The following SMAD3 variants were observed in gnomAD, a reference collection of about 807,000 sequenced individuals.
The protein encoded by SMAD3 is MAD homolog 3.
Under a neutral mutation model 51.8 loss-of-function variants are expected in SMAD3, and 12 were observed. The ratio of observed to expected loss-of-function variants is 0.23; its 90% CI spans 0.15 to 0.38. SMAD3 has a LOEUF of 0.38. Ranked by LOEUF, SMAD3 falls within the 10% of genes least tolerant of loss-of-function variation. The pLI is 1.00. For missense variants in SMAD3, 294 were observed against 565.6 expected, an observed-to-expected ratio of 0.52 and a Z score of 4.87; for synonymous variants, 238 against 227.7, an observed-to-expected ratio of 1.05 and a Z score of -0.41.
intron 1 of SMAD3, among the ~76,000 whole-genome samples, chr15:67,123,183 T>C (rs1384703906): frequency 6.3e-5 from 4 of 63,380 alleles, no homozygotes; most frequent in Non-Finnish European, 1.2e-4. Context: ...AGTGAGACCC[T>C]GTCTCAAAAA....
At chr15:67,113,572 A>G (rs1961071521) in intron 1 of SMAD3, among the ~76,000 whole-genome samples, 1 of 152,222 alleles carries the variant, frequency 6.6e-6, no homozygotes, top group African/African-American at 2.4e-5. Flanking sequence ...AATATGTTGT[A>G]AGGTTTGTGA....
intron 1 of SMAD3, among the ~76,000 whole-genome samples, chr15:67,123,629 ACAGTATAGAATC>A (rs1961319250): frequency 6.6e-6 from 1 of 152,276 alleles, no homozygotes; most frequent in Non-Finnish European, 1.5e-5. Flanking sequence ...TTCTAATTTT[ACAGTATAGAATC>A]CAGTACATAG....
intron 6 of SMAD3, among the ~76,000 whole-genome samples, chr15:67,182,944 A>G (rs1963098881): frequency 6.9e-6 from 1 of 144,752 alleles, no homozygotes; most frequent in Admixed American, 7.0e-5. Context: ...AGCTGGGACA[A>G]TAGGCATATA....
At chr15:67,082,082 T>C (rs1226336372) in intron 1 of SMAD3, among the ~76,000 whole-genome samples, 2 of 151,982 alleles carry the variant, frequency 1.3e-5, no homozygotes, top group African/African-American at 4.8e-5. Context: ...GATGTCTTGC[T>C]GACTTCTGAG....
At chr15:67,071,689 G>A (rs926521064) in intron 1 of SMAD3, among the ~76,000 whole-genome samples, 2 of 152,162 alleles carry the variant, frequency 1.3e-5, no homozygotes, top group South Asian at 4.1e-4. Flanking sequence ...GCAGGCGCCT[G>A]TAGTCCCAGC....
intron 8 of SMAD3, among the ~76,000 whole-genome samples, chr15:67,188,431 C>T (rs923063438): frequency 1.3e-5 from 2 of 152,156 alleles, no homozygotes; most frequent in African/African-American, 4.8e-5. Flanking sequence ...AACCACCATG[C>T]CCGGCCCTAG....
intron 1 of SMAD3, among the ~76,000 whole-genome samples, chr15:67,119,348 T>C (rs1271300964): frequency 6.6e-6 from 1 of 151,206 alleles, no homozygotes; most frequent in Non-Finnish European, 1.5e-5. Flanking sequence ...GATGGAGTGT[T>C]GGGGCTGAAG....
chr15:67,185,748 T>C (rs1447024008), intron 7 of SMAD3, among the ~76,000 whole-genome samples: 4 of 152,028 alleles, frequency 2.6e-5, no homozygotes, highest in African/African-American at 9.7e-5. Flanking sequence ...AAGGCCTCTT[T>C]CCTCAGGAAA....
rs1362837080 is a variant in SMAD3 at position 67,065,874 on chromosome 15, C to G, written c.-281C>G. The G allele has an allele frequency of 9.2e-6, 2 of 217,384 alleles. No homozygotes were observed. Among genetic ancestry groups the G allele is most frequent in the Non-Finnish European group, 1.8e-5 (2 of 108,272 alleles). The allele number at this position is 217,384 out of a possible 1,614,324, so 13.5% of individuals were successfully genotyped here. On this transcript the variant is annotated 5_prime_UTR_variant, in exon 1 of 9. Coordinates refer to ENST00000327367, the MANE Select transcript of SMAD3 (RefSeq NM_005902.4). Reference sequence around the variant, plus strand: ...GGAGTCTCGCGGCCGCCGCCTCCGCCCCGCGTTCGGGGCCTTCCCGACCCT... The same window carrying G: ...GGAGTCTCGCGGCCGCCGCCTCCGCGCCGCGTTCGGGGCCTTCCCGACCCT...
In SMAD3 at chr15:67,188,639, G is replaced by A. The variant is rs546477998; in HGVS notation, c.1154+1130G>A. Among the ~76,000 whole-genome samples, 11 of 152,378 alleles carry A rather than the reference G, an allele frequency of 7.2e-5. No homozygotes were observed. The South Asian group carries it at 1.4e-3, about 20-fold the overall frequency. On this transcript the variant is annotated intron_variant, in intron 8 of 8. Coordinates refer to ENST00000327367, the MANE Select transcript of SMAD3 (RefSeq NM_005902.4). The stretch of plus-strand genomic sequence containing the variant: ...CCCCTGCCAGCCGCCAGCTCCTGCG[G>A]CAGATGCAGAGGTGCCCACATGTCA...
At chr15:67,074,149 C>T (rs1477024074) in intron 1 of SMAD3, among the ~76,000 whole-genome samples, 1 of 152,228 alleles carries the variant, frequency 6.6e-6, no homozygotes, top group African/African-American at 2.4e-5. Flanking sequence ...CCTCCCTCTT[C>T]CTTGCCTCTT....
chr15:67,081,182 A>G (rs1960272760), intron 1 of SMAD3, among the ~76,000 whole-genome samples: 1 of 152,036 alleles, frequency 6.6e-6, no homozygotes, highest in Admixed American at 6.5e-5. Flanking sequence ...CCCTTTTGCT[A>G]CCCCACAGAC....
rs549648869 is a variant in SMAD3 at position 67,125,523 on chromosome 15, G to A, written c.207-39372G>A. On this transcript the variant is annotated intron_variant, in intron 1 of 8. Transcript: ENST00000327367. ...TAGCCCACCGTGGGTGGATGAAGCC[G>A]GTGGGAACAGAATGATAGGAGTTAA... 7.2e-5 allele frequency among the ~76,000 whole-genome samples: 11 copies of A among 152,362 alleles called. No homozygotes were observed. In the East Asian group the frequency reaches 1.7e-3, roughly 24 times the overall value.
chr15:67,183,000 A>AAAATATATATAT (rs61323717), intron 6 of SMAD3, among the ~76,000 whole-genome samples: 2 of 43,646 alleles, frequency 4.6e-5, no homozygotes, highest in African/African-American at 1.4e-4. Flanking sequence ...AAAAAAAAAA[A>AAAATATATATAT]ATATATATAT....
At position 67,192,820 on chromosome 15, in the gene SMAD3, C is replaced by G. The variant is rs139575773; in HGVS notation, c.*2284C>G. ...GAACTTTGAATGTGATGAAATGACA[C>G]GTTTGGCTGCATTTGGATGGTGTCT... On this transcript the variant is annotated 3_prime_UTR_variant, in exon 9 of 9. Transcript: ENST00000327367. 4.3e-6 allele frequency: 1 copy of G among 233,188 alleles called. No homozygotes were observed. The highest frequency in any genetic ancestry group is 2.2e-5 in the African/African-American group (1 of 45,458). The allele number at this position is 233,188 out of a possible 1,614,324, so 14.4% of individuals were successfully genotyped here. A position where few individuals can be genotyped will look rare whatever the true frequency, so the allele number is the denominator to read the frequency against.
chr15:67,113,072 A>ATG lies in SMAD3; in HGVS notation c.206+46716_206+46717dup, dbSNP rs1555408261. On this transcript the variant is annotated intron_variant, in intron 1 of 8. Coordinates refer to ENST00000327367, the MANE Select transcript of SMAD3 (RefSeq NM_005902.4). ...TAATCAACTTTTAAAATATATATAT[A>ATG]TGTGTATATATATATATATATATTT... is the stretch of plus-strand genomic sequence containing the variant. 1.7e-4 allele frequency among the ~76,000 whole-genome samples: 6 copies of ATG among 35,978 alleles called. 2 individuals carry two copies. The East Asian group carries it at 2.1e-3, about 12-fold the overall frequency. 23.6% of individuals were successfully genotyped at this position (35,978 alleles called of 152,430 possible). A position where few individuals can be genotyped will look rare whatever the true frequency, so the allele number is the denominator to read the frequency against.
At chr15:67,109,771 G>A (rs1391044395) in intron 1 of SMAD3, among the ~76,000 whole-genome samples, 2 of 152,276 alleles carry the variant, frequency 1.3e-5, no homozygotes, top group African/African-American at 2.4e-5. Flanking sequence ...TGCGACACCC[G>A]CGTGCCCCTT....
At chr15:67,136,452 C>T (rs1961665241) in intron 1 of SMAD3, among the ~76,000 whole-genome samples, 1 of 152,046 alleles carries the variant, frequency 6.6e-6, no homozygotes, top group African/African-American at 2.4e-5. Flanking sequence ...GCTTCAGCCT[C>T]CTGAGTAGCT....
chr15:67,075,382 G>A (rs1223386679), intron 1 of SMAD3, among the ~76,000 whole-genome samples: 1 of 152,176 alleles, frequency 6.6e-6, no homozygotes, highest in Non-Finnish European at 1.5e-5. Flanking sequence ...TTTACATTTT[G>A]TGTGTGGCTG....
Sources: allele counts gnomAD v4.1 joint callset (sites outside exome capture counted in the v4.1 genomes callset), GRCh38; gene constraint gnomAD v4.1.1; transcripts MANE v1.5; gene names NCBI Gene and HGNC (gene_info 2026-07-23, HGNC 2026-07-21).